SLC25A18: variants seen among roughly 807,000 people sequenced by gnomAD.
SLC25A18 encodes the protein solute carrier family 25 member 18.
A neutral mutation model predicts 31.1 loss-of-function variants in SLC25A18; 24 were observed. The observed-to-expected ratio is 0.77, with a 90% confidence interval of 0.56 to 1.08. The LOEUF is 1.08. SLC25A18 is among the 50% of genes least tolerant of loss of function. SLC25A18 has a pLI of 0.00. For synonymous variants in SLC25A18, 173 were observed against 161.9 expected, an observed-to-expected ratio of 1.07 and a Z score of -0.52; for missense variants, 371 against 418.5, an observed-to-expected ratio of 0.89 and a Z score of 0.99.
At chr22:17,589,549 G>A (rs1248970145) in intron 9 of SLC25A18, 41 bp from the exon 10 acceptor site, 2 of 1,587,470 alleles carry the variant, frequency 1.3e-6, no homozygotes, top group East Asian at 2.2e-5. Flanking sequence ...GACACCGAAA[G>A]TAAGCTGTTC....
At chr22:17,582,742 A>C in intron 6 of SLC25A18, 89 bp downstream of exon 6, 1 of 1,155,604 alleles carries the variant, frequency 8.7e-7, no homozygotes, top group Admixed American at 2.0e-5. Context: ...GCCTCAGTAT[A>C]CCTGCCTGCA....
rs371516757 is a variant in SLC25A18 at position 17,588,025 on chromosome 22, G to A, written c.676G>A (p.Val226Met). Residue 226 changes from valine (V) to methionine (M), a missense_variant, in exon 9 of 11, where the codon GTG becomes ATG. Transcript: ENST00000327451. ...TAAGGCGTCCTTTGCACATTCCTTC[G>A]TGTCAGGCTGTGTGGCAGGTTCCAT... is the stretch of plus-strand genomic sequence containing the variant. ...AGKASFAHSF[V>M]SGCVAGSIAA... 100 of 1,614,034 alleles carry A rather than the reference G, an allele frequency of 6.2e-5. 1 individual carries two copies. In the South Asian group the frequency reaches 8.1e-4, roughly 13 times the overall value.
intron 1 of SLC25A18, among the ~76,000 whole-genome samples, chr22:17,568,494 T>C (rs1024633187): frequency 1.3e-5 from 2 of 150,562 alleles, no homozygotes; most frequent in African/African-American, 4.9e-5. Context: ...TTTGGACCAG[T>C]ATAAGTATGG....
chr22:17,581,158 A>T lies in SLC25A18; in HGVS notation c.142A>T (p.Met48Leu), dbSNP rs762910871. 2.5e-6 allele frequency: 4 copies of T among 1,592,738 alleles called. No homozygotes were observed. The highest frequency in any genetic ancestry group is 8.6e-7 in the Non-Finnish European group (1 of 1,168,152). Residue 48 changes from methionine to leucine, a missense_variant and splice_region_variant, in exon 4 of 11, where the codon ATG (methionine) becomes TTG (leucine). Transcript: ENST00000327451. ...GCATGGGAAAGCCATGTACAAAGGA[A>T]TGTAGGTGCTGGCAGGCGAGCGTGG... ...NQHGKAMYKGMIDCLMKTARA... is the reference protein window; with the variant it reads ...NQHGKAMYKGLIDCLMKTARA...
intron 1 of SLC25A18, among the ~76,000 whole-genome samples, chr22:17,565,154 A>T (rs1473676915): frequency 5.3e-5 from 8 of 151,896 alleles, no homozygotes; most frequent in African/African-American, 1.9e-4. Context: ...ATCTCGGTTC[A>T]CTGTAAACTC....
chr22:17,574,190 C>T (rs1308917720), intron 2 of SLC25A18, among the ~76,000 whole-genome samples: 2 of 152,178 alleles, frequency 1.3e-5, no homozygotes, highest in Non-Finnish European at 1.5e-5. Flanking sequence ...GCTGAGATTG[C>T]GCCACGGCGC....
At chr22:17,563,817 C>A in intron 1 of SLC25A18, 104 bp downstream of exon 1, 3 of 652,482 alleles carry the variant, frequency 4.6e-6, no homozygotes, top group Non-Finnish European at 5.7e-6. Flanking sequence ...TCATAATAAA[C>A]CTGTATTGTG....
At chr22:17,576,705 G>A (rs1403717395) in intron 2 of SLC25A18, among the ~76,000 whole-genome samples, 1 of 152,164 alleles carries the variant, frequency 6.6e-6, no homozygotes, top group African/African-American at 2.4e-5. Flanking sequence ...ATTAGCATAG[G>A]CCTGCGAAAG....
chr22:17,585,544 G>T (rs2057518487), intron 7 of SLC25A18, among the ~76,000 whole-genome samples: 1 of 152,046 alleles, frequency 6.6e-6, no homozygotes, highest in Non-Finnish European at 1.5e-5. Context: ...CAGACACTGA[G>T]ATTTAGGAAA....
In SLC25A18 at chr22:17,583,423, C is replaced by A. The variant is rs781145215; in HGVS notation, c.298C>A (p.Arg100=). 5 of 1,613,828 alleles carry A rather than the reference C, an allele frequency of 3.1e-6. No homozygotes were observed. Among genetic ancestry groups the A allele is most frequent in the Non-Finnish European group, 4.2e-6 (5 of 1,179,982 alleles). ...TGACGCCTGTTCCCATAGGATGCAG[C>A]GGAACCTGAAGATGGAGATGCTTGC... ...RRLLMEDGMQ[R]NLKMEMLAGC... is the part of the protein sequence containing the mutation. The change falls in exon 7 of 11, where the codon CGG becomes AGG. Residue 100 remains arginine, a synonymous_variant. Coordinates refer to ENST00000327451, the MANE Select transcript of SLC25A18 (RefSeq NM_031481.3).
In SLC25A18 at chr22:17,581,386, G is replaced by A. The variant is rs1448330388; in HGVS notation, c.172G>A (p.Ala58Thr). 1 of 1,614,148 alleles carries A rather than the reference G, an allele frequency of 6.2e-7. No individual in the cohort carries two copies. Among genetic ancestry groups the A allele is most frequent in the Admixed American group, 1.7e-5 (1 of 60,018 alleles). ...MIDCLMKTAR[A>T]EGFFGMYRGA... ...CGACTGCCTGATGAAGACGGCTCGG[G>A]CGGAGGGCTTCTTCGGCATGTACCG... The change falls in exon 5 of 11, where the codon GCG (alanine) becomes ACG (threonine). Residue 58 changes from alanine (A) to threonine (T), a missense_variant. Ala to Thr is a moderately conservative substitution (Grantham distance 58). Transcript: ENST00000327451.
chr22:17,587,976 C>T lies in SLC25A18; in HGVS notation c.627C>T (p.Asn209=). ...TCCCACTGTTTGCCAACCTTAACAA[C>T]CTGGGGTTCAACGAGCTCGCCGGTA... ...IYFPLFANLN[N]LGFNELAGKA... Residue 209 remains asparagine, a synonymous_variant, in exon 9 of 11, where the codon AAC becomes AAT. Transcript: ENST00000327451. 6.2e-7 allele frequency: 1 copy of T among 1,614,214 alleles called. No homozygotes were observed. Among genetic ancestry groups the T allele is most frequent in the Non-Finnish European group, 8.5e-7 (1 of 1,180,042 alleles).
chr22:17,581,287 G>C, intron 4 of SLC25A18, 71 bp from the exon 5 acceptor site: 10 of 1,602,122 alleles, frequency 6.2e-6, no homozygotes, highest in Non-Finnish European at 8.5e-6. Flanking sequence ...GGATGTGCCC[G>C]CGGGAGCAGG....
chr22:17,580,249 T>C, intron 3 of SLC25A18: 1 of 366,668 alleles, frequency 2.7e-6, no homozygotes, highest in Non-Finnish European at 4.8e-6. Context: ...GTTTCTTCCT[T>C]TGTGAAAGGC....
chr22:17,570,083 G>A, intron 2 of SLC25A18, 97 bp downstream of exon 2: 1 of 825,802 alleles, frequency 1.2e-6, no homozygotes, highest in Non-Finnish European at 1.5e-6. Flanking sequence ...GCAGCCAGTG[G>A]GACAGGGACA....
At chr22:17,579,060 GTTTTTTGTTTGT>G (rs1414033944) in intron 2 of SLC25A18, among the ~76,000 whole-genome samples, 1 of 123,110 alleles carries the variant, frequency 8.1e-6, no homozygotes, top group South Asian at 3.1e-4. Context: ...TCTTAAGTGG[GTTTTTTGTTTGT>G]TTGTTTGTTT....
intron 2 of SLC25A18, among the ~76,000 whole-genome samples, chr22:17,573,163 C>CT (rs1348866222): frequency 6.6e-6 from 1 of 152,114 alleles, no homozygotes; most frequent in Non-Finnish European, 1.5e-5. Flanking sequence ...ACTTTAAGCA[C>CT]TTTAAGAAAG....
At chr22:17,585,984 C>CA (rs2057539601) in intron 7 of SLC25A18, among the ~76,000 whole-genome samples, 1 of 152,042 alleles carries the variant, frequency 6.6e-6, no homozygotes, top group South Asian at 2.1e-4. Context: ...GGTATAACTC[C>CA]ATTCTAATGA....
chr22:17,585,403 CAGAA>C (rs1213418943), intron 7 of SLC25A18: 4 of 151,528 alleles, frequency 2.6e-5, no homozygotes, highest in Admixed American at 2.6e-4. Flanking sequence ...AAAAAAAAAA[CAGAA>C]AGAAAATGTG....
Sources: allele counts gnomAD v4.1 joint callset (sites outside exome capture counted in the v4.1 genomes callset), GRCh38; gene constraint gnomAD v4.1.1; transcripts MANE v1.5; gene names NCBI Gene and HGNC (gene_info 2026-07-23, HGNC 2026-07-21).